TRERF1: variants seen among roughly 807,000 people sequenced by gnomAD.
TRERF1 encodes transcriptional regulating factor 1, also known as transcriptional-regulating factor 1.
Under a neutral mutation model 122.9 loss-of-function variants are expected in TRERF1, and 27 were observed. That is an observed-to-expected ratio of 0.22 (90% confidence interval 0.16 to 0.30). The LOEUF is 0.30. TRERF1 is among the 10% of genes least tolerant of loss of function. The pLI is 1.00. For synonymous variants in TRERF1, 636 were observed against 641.7 expected (o/e 0.99, Z 0.13); for missense variants, 1,248 against 1,560.3 (o/e 0.80, Z 3.37).
At chr6:42,236,508 G>T (rs1212116869) in intron 15 of TRERF1, 97 bp from the exon 16 acceptor site, 3 of 1,469,122 alleles carry the variant, frequency 2.0e-6, no homozygotes, top group Non-Finnish European at 2.7e-6. Flanking sequence ...AGAGGGGCAG[G>T]ATGCTGGCGC....
intron 2 of TRERF1, among the ~76,000 whole-genome samples, chr6:42,436,455 C>A (rs533569512): frequency 6.6e-6 from 1 of 151,858 alleles, no homozygotes; most frequent in South Asian, 2.1e-4. Context: ...TCAAAAGAAC[C>A]CTAATATGAT....
intron 3 of TRERF1, among the ~76,000 whole-genome samples, chr6:42,342,895 T>C (rs1026825858): frequency 1.3e-5 from 2 of 152,216 alleles, no homozygotes; most frequent in African/African-American, 4.8e-5. Flanking sequence ...TTTCTCCAAC[T>C]GTTACTCACA....
At position 42,448,614 on chromosome 6, in the gene TRERF1, A is replaced by G. The variant is rs2151838856; in HGVS notation, c.-454+2563T>C. On this transcript the variant is annotated intron_variant, in intron 2 of 17. Transcript: ENST00000372922. ...GTCAAGACCTCTGGAGACCTCGCTT[A>G]CAAGACACAGAATTTCAGAGCCGGA... 2.6e-5 allele frequency among the ~76,000 whole-genome samples: 4 copies of G among 152,352 alleles called. 1 individual carries two copies. In the Middle Eastern group the frequency reaches 0.014, roughly 518 times the overall value.
At chr6:42,356,910 T>C (rs1770666651) in intron 3 of TRERF1, among the ~76,000 whole-genome samples, 1 of 152,112 alleles carries the variant, frequency 6.6e-6, no homozygotes, top group Admixed American at 6.5e-5. Flanking sequence ...CTTTATGGTA[T>C]TTTGTTATGG....
intron 2 of TRERF1, among the ~76,000 whole-genome samples, chr6:42,398,756 G>A (rs911623059): frequency 1.6e-4 from 25 of 152,238 alleles, no homozygotes; most frequent in Admixed American, 6.5e-5. Flanking sequence ...AATGTATGGG[G>A]AAGGAATCCA....
intron 4 of TRERF1, among the ~76,000 whole-genome samples, chr6:42,284,333 TG>T (rs1412117450): frequency 6.6e-6 from 1 of 152,122 alleles, no homozygotes; most frequent in East Asian, 1.9e-4. Context: ...CCCAAAGTGT[TG>T]GGATCACAGG....
chr6:42,388,003 T>C (rs1386576333), intron 2 of TRERF1, among the ~76,000 whole-genome samples: 1 of 152,122 alleles, frequency 6.6e-6, no homozygotes, highest in Non-Finnish European at 1.5e-5. Flanking sequence ...AGACAGGGTC[T>C]CACTTTGTTG....
At position 42,263,394 on chromosome 6, in the gene TRERF1, T is replaced by G; in HGVS notation, c.1810A>C (p.Asn604His). ...GCGGAGGGGGCGGCAACGGTGCTGT[T>G]GGTGAACCCCTGAGAGCTGGGCTTG... Residue 604 changes from asparagine (N) to histidine (H), a missense_variant, in exon 8 of 18, where the codon AAC (asparagine) becomes CAC (histidine). By Grantham distance (68) the Asn-to-His change is moderately conservative. Around this residue, in one of 5 missense-constraint regions of TRERF1, gnomAD observed 946 missense variants for 1,073.0 expected, o/e 0.88. Coordinates refer to ENST00000372922, the Ensembl canonical transcript of TRERF1. This position sits in a 1 kb window ranked among gnomAD's most constrained non-coding sequence, Gnocchi z 5.6. 1 of 1,612,628 alleles carries G rather than the reference T, an allele frequency of 6.2e-7. No homozygotes were observed. Among genetic ancestry groups the G allele is most frequent in the Non-Finnish European group, 8.5e-7 (1 of 1,179,462 alleles).
intron 5 of TRERF1, among the ~76,000 whole-genome samples, chr6:42,267,328 T>G (rs1561866620): frequency 6.6e-6 from 1 of 151,692 alleles, no homozygotes; most frequent in African/African-American, 2.4e-5. Flanking sequence ...AGCAAGACCC[T>G]GTCTAAAAAA....
At chr6:42,358,084 G>A (rs532653587) in intron 3 of TRERF1, among the ~76,000 whole-genome samples, 2 of 151,914 alleles carry the variant, frequency 1.3e-5, no homozygotes, top group African/African-American at 4.8e-5. Flanking sequence ...TATGTGGGGG[G>A]TTGGGGGTGG....
At chr6:42,345,374 G>A (rs960597368) in intron 3 of TRERF1, among the ~76,000 whole-genome samples, 3 of 152,154 alleles carry the variant, frequency 2.0e-5, no homozygotes, top group South Asian at 4.1e-4. Flanking sequence ...CAGAGGACCC[G>A]AGCAAGAGGT....
chr6:42,303,674 G>C (rs911938142), intron 3 of TRERF1, among the ~76,000 whole-genome samples: 16 of 152,116 alleles, frequency 1.1e-4, no homozygotes, highest in Non-Finnish European at 1.9e-4. Context: ...AGCATTTTGG[G>C]AGGCAGAGGT....
intron 2 of TRERF1, among the ~76,000 whole-genome samples, chr6:42,371,514 G>C (rs771687088): frequency 1.3e-5 from 2 of 152,198 alleles, no homozygotes; most frequent in Non-Finnish European, 2.9e-5. Context: ...CCGAGGCCAA[G>C]AGACCTGATG....
At chr6:42,316,370 A>G (rs920655073) in intron 3 of TRERF1, among the ~76,000 whole-genome samples, 1 of 152,214 alleles carries the variant, frequency 6.6e-6, no homozygotes, top group Non-Finnish European at 1.5e-5. Context: ...GTCACTATCC[A>G]AAGAAGCTTT....
At chr6:42,241,626 T>A (rs1197747285) in intron 15 of TRERF1, among the ~76,000 whole-genome samples, 1 of 152,124 alleles carries the variant, frequency 6.6e-6, no homozygotes, top group Non-Finnish European at 1.5e-5. Context: ...CACGCCTGGC[T>A]AATTTTTTGT....
At chr6:42,335,599 A>G (rs1283240048) in intron 3 of TRERF1, among the ~76,000 whole-genome samples, 1 of 152,072 alleles carries the variant, frequency 6.6e-6, no homozygotes. Context: ...ATGAGTGCGG[A>G]TGGGGCGTGC....
intron 2 of TRERF1, among the ~76,000 whole-genome samples, chr6:42,434,756 G>A (rs996515060): frequency 2.0e-5 from 3 of 151,414 alleles, no homozygotes; most frequent in African/African-American, 7.3e-5. Flanking sequence ...AGCTGAGAGA[G>A]AAGCATGCTT....
intron 4 of TRERF1, among the ~76,000 whole-genome samples, chr6:42,285,654 C>T (rs1450013722): frequency 3.3e-5 from 5 of 150,718 alleles, no homozygotes; most frequent in African/African-American, 9.8e-5. Flanking sequence ...TGAAATACGT[C>T]CCATCAATAC....
chr6:42,290,736 CTTTCCTTTTTT>C (rs1375892656), intron 4 of TRERF1, among the ~76,000 whole-genome samples: 45 of 120,038 alleles, frequency 3.7e-4, no homozygotes, highest in Non-Finnish European at 6.2e-4. Context: ...TTTTCCATTT[CTTTCCTTTTTT>C]TTTTTTTTTT....
Sources: allele counts gnomAD v4.1 joint callset (sites outside exome capture counted in the v4.1 genomes callset), GRCh38; gene constraint gnomAD v4.1.1; regional missense constraint gnomAD v4.1.1; non-coding constraint Gnocchi (gnomAD v3.1); transcripts MANE v1.5; gene names NCBI Gene and HGNC (gene_info 2026-07-23, HGNC 2026-07-21).